Variants in PRMT2 observed in about 807,000 individuals in gnomAD.
The protein encoded by PRMT2 is protein arginine N-methyltransferase 2.
In PRMT2, 26 loss-of-function variants were observed where a neutral mutation model predicts 57.6. The observed-to-expected ratio is 0.45, with a 90% confidence interval of 0.33 to 0.63. The LOEUF is 0.63. Among genes scored for constraint, PRMT2 ranks in the 20% least tolerant of loss-of-function variants. The pLI is 0.02. For synonymous variants in PRMT2, 219 were observed against 220.0 expected (o/e 1.00, Z 0.04); for missense variants, 472 against 564.4 (o/e 0.84, Z 1.66).
chr21:46,652,099 TA>T, intron 7 of PRMT2: 1 of 1,541,394 alleles, frequency 6.5e-7, no homozygotes, highest in Non-Finnish European at 8.7e-7. Context: ...CAAGGGCATG[TA>T]GTTGTTCAGA....
At chr21:46,655,508 A>C (rs1333698102) in intron 7 of PRMT2, among the ~76,000 whole-genome samples, 1 of 152,338 alleles carries the variant, frequency 6.6e-6, no homozygotes, top group African/African-American at 2.4e-5. Context: ...ACATCAGTTC[A>C]TGATAAAATT....
At chr21:46,636,613 G>T in intron 2 of PRMT2, 66 bp downstream of exon 2, 1 of 271,464 alleles carries the variant, frequency 3.7e-6, no homozygotes, top group Non-Finnish European at 7.0e-6. Context: ...CTGATTTATT[G>T]CCTTAAGTCG....
At chr21:46,644,156 C>T (rs964063125) in intron 4 of PRMT2, 150 bp from the exon 5 acceptor site, 1 of 738,458 alleles carries the variant, frequency 1.4e-6, no homozygotes, top group Non-Finnish European at 2.1e-6. Context: ...CATGGTGTCA[C>T]TTGCAAACAT....
chr21:46,656,578 T>A (rs2061544900), intron 7 of PRMT2, among the ~76,000 whole-genome samples: 1 of 152,186 alleles, frequency 6.6e-6, no homozygotes, highest in Non-Finnish European at 1.5e-5. Context: ...ATCAATTTAA[T>A]GGAGAAAAGA....
intron 7 of PRMT2, chr21:46,653,341 C>A: frequency 1.0e-6 from 1 of 985,374 alleles, no homozygotes; most frequent in South Asian, 4.7e-5. Flanking sequence ...AATTTCATAC[C>A]AATAACACTT....
At chr21:46,661,080 A>C (rs1433073215) in intron 9 of PRMT2, 118 bp downstream of exon 9, 3 of 971,510 alleles carry the variant, frequency 3.1e-6, no homozygotes, top group Admixed American at 2.8e-5. Context: ...TGAATAACTA[A>C]TTATTTTATT....
intron 7 of PRMT2, 197 bp from the exon 8 acceptor site, chr21:46,658,548 T>G: frequency 8.1e-5 from 72 of 891,476 alleles, no homozygotes; most frequent in Non-Finnish European, 1.0e-4. Context: ...ACCCAGGCTG[T>G]GAGATGCATC....
At position 46,649,344 on chromosome 21, in the gene PRMT2, C is replaced by G. The variant is rs1601934052; in HGVS notation, c.490-231C>G. On this transcript the variant is annotated intron_variant, in intron 6 of 11. Transcript: ENST00000355680. This position sits in a 1 kb window ranked among gnomAD's most constrained non-coding sequence, Gnocchi z 4.8. ...AGTCTTCCATCCACTTGCAGCCCTGCGTCTGTGTCTTGTCCGGGAGGTGGG... is the reference window on the plus strand; with the variant it reads ...AGTCTTCCATCCACTTGCAGCCCTGGGTCTGTGTCTTGTCCGGGAGGTGGG... Among the ~76,000 whole-genome samples the G allele has an allele frequency of 6.6e-6, 1 of 152,220 alleles. No homozygotes were observed. The highest frequency in any genetic ancestry group is 1.5e-5 in the Non-Finnish European group (1 of 68,034).
chr21:46,656,782 C>T (rs2061547330), intron 7 of PRMT2: 1 of 152,128 alleles, frequency 6.6e-6, no homozygotes, highest in Non-Finnish European at 1.5e-5. Flanking sequence ...ACTTTTTACT[C>T]TAAAAGCGTG....
Position 46,647,826 on chromosome 21 carries a change from G to A in PRMT2, c.328-632G>A, listed in dbSNP as rs924485446. Among the ~76,000 whole-genome samples the A allele has an allele frequency of 1.6e-4, 25 of 152,174 alleles. 1 individual carries two copies. Among genetic ancestry groups the A allele is most frequent in the Admixed American group, 1.6e-3 (25 of 15,276 alleles). On this transcript the variant is annotated intron_variant, in intron 5 of 11. Coordinates refer to ENST00000355680, the MANE Select transcript of PRMT2 (RefSeq NM_206962.4). Reference sequence around the variant, plus strand: ...AGTTCCCTTCGCGTTGATGTGAAACGGTGCGTTTGTCCTGCTCTGGATTTC... The same window carrying A: ...AGTTCCCTTCGCGTTGATGTGAAACAGTGCGTTTGTCCTGCTCTGGATTTC...
chr21:46,647,673 C>A (rs747843624), intron 5 of PRMT2, among the ~76,000 whole-genome samples: 1 of 152,184 alleles, frequency 6.6e-6, no homozygotes, highest in African/African-American at 2.4e-5. Flanking sequence ...CCTTCTGATT[C>A]TATTTTAAAC....
intron 7 of PRMT2, 144 bp from the exon 8 acceptor site, chr21:46,658,601 G>C: frequency 7.1e-7 from 1 of 1,416,690 alleles, no homozygotes; most frequent in South Asian, 1.5e-5. Flanking sequence ...ATGTTCTCTT[G>C]CATGGTACAC....
At position 46,649,544 on chromosome 21, in the gene PRMT2, A is replaced by T. The variant is rs2061417432; in HGVS notation, c.490-31A>T. The T allele has an allele frequency of 6.2e-7, 1 of 1,613,480 alleles. No homozygotes were observed. Among genetic ancestry groups the T allele is most frequent in the Non-Finnish European group, 8.5e-7 (1 of 1,180,026 alleles). On this transcript the variant is annotated intron_variant, in intron 6 of 11. Coordinates refer to ENST00000355680, the MANE Select transcript of PRMT2 (RefSeq NM_206962.4). This position sits in a 1 kb window ranked among gnomAD's most constrained non-coding sequence, Gnocchi z 4.8. The stretch of plus-strand genomic sequence containing the variant: ...AGATGACGGGCCGTGTGCCGGCCGG[A>T]TGTACGCTGACGGTGCCTCTGCTGC...
At chr21:46,639,403 T>A (rs989255840) in intron 3 of PRMT2, among the ~76,000 whole-genome samples, 1 of 151,902 alleles carries the variant, frequency 6.6e-6, no homozygotes, top group Non-Finnish European at 1.5e-5. Context: ...TCTTTTCTGA[T>A]TTTTTTTGCC....
chr21:46,658,593 G>A, intron 7 of PRMT2, 152 bp from the exon 8 acceptor site: 12 of 1,375,782 alleles, frequency 8.7e-6, no homozygotes, highest in Non-Finnish European at 1.1e-5. Context: ...CCCTCGAGAT[G>A]TTCTCTTGCA....
chr21:46,654,889 G>A (rs888214537), intron 7 of PRMT2: 9 of 984,390 alleles, frequency 9.1e-6, no homozygotes, highest in Non-Finnish European at 9.6e-6. Flanking sequence ...ACAGTCTTGA[G>A]TTATCATTTT....
rs888105380 is a variant in PRMT2, at chr21:46,649,344, CG to C, written c.490-230del. ...AGTCTTCCATCCACTTGCAGCCCTG[CG>C]TCTGTGTCTTGTCCGGGAGGTGGGG... On this transcript the variant is annotated intron_variant, in intron 6 of 11. Coordinates refer to ENST00000355680, the MANE Select transcript of PRMT2 (RefSeq NM_206962.4). The surrounding 1 kb of genome is among the most constrained non-coding windows in gnomAD (Gnocchi z 4.8). Among the ~76,000 whole-genome samples the C allele has an allele frequency of 2.0e-5, 3 of 152,220 alleles. No individual in the cohort carries two copies. Among genetic ancestry groups the C allele is most frequent in the African/African-American group, 7.2e-5 (3 of 41,464 alleles).
chr21:46,658,678 T>A, intron 7 of PRMT2, 67 bp from the exon 8 acceptor site: 1 of 1,577,462 alleles, frequency 6.3e-7, no homozygotes, highest in Non-Finnish European at 8.6e-7. Flanking sequence ...ACGAATGTGG[T>A]GGTGAGAGGC....
intron 9 of PRMT2, chr21:46,661,578 T>C (rs116888171): frequency 0.081 from 29,920 of 370,176 alleles, 1,618 homozygotes; most frequent in Non-Finnish European, 0.1. Context: ...GAATCTGGGG[T>C]AGAAAATTGG....
Sources: allele counts gnomAD v4.1 joint callset (sites outside exome capture counted in the v4.1 genomes callset), GRCh38; gene constraint gnomAD v4.1.1; non-coding constraint Gnocchi (gnomAD v3.1); transcripts MANE v1.5; gene names NCBI Gene and HGNC (gene_info 2026-07-23, HGNC 2026-07-21).